The following ABR variants were observed in gnomAD, a reference collection of about 807,000 sequenced individuals.
ABR encodes the protein ABR activator of RhoGEF and GTPase, also known as active breakpoint cluster region-related protein.
In ABR, 35 loss-of-function variants were observed where a neutral mutation model predicts 107.2. The observed-to-expected ratio is 0.33, with a 90% CI of 0.25 to 0.43. The LOEUF is 0.43. Ranked by LOEUF, ABR falls within the 20% of genes least tolerant of loss-of-function variation. The pLI is 1.00. For missense variants in ABR, 815 were observed against 1,115.2 expected (o/e 0.73, Z 3.83); for synonymous variants, 498 against 462.0 (o/e 1.08, Z -1.00).
intron 1 of ABR, chr17:1,153,757 G>A: frequency 4.9e-6 from 1 of 204,912 alleles, no homozygotes; most frequent in Non-Finnish European, 9.9e-6. Context: ...CCTGCGGGAG[G>A]GCTGGGGGTC....
intron 1 of ABR, among the ~76,000 whole-genome samples, chr17:1,128,650 G>C (rs959017028): frequency 6.6e-6 from 1 of 152,226 alleles, no homozygotes; most frequent in Non-Finnish European, 1.5e-5. Flanking sequence ...TGATGGGATG[G>C]CTGGAGCCCC....
chr17:1,023,763 A>G (rs1231518943), intron 16 of ABR, among the ~76,000 whole-genome samples: 1 of 152,092 alleles, frequency 6.6e-6, no homozygotes, highest in African/African-American at 2.4e-5. Context: ...GGTGGTTCAC[A>G]CCTGTAATCC....
chr17:1,200,755 C>T lies in ABR; in HGVS notation c.838+28038G>A, dbSNP rs58290014. Among the ~76,000 whole-genome samples, 5,569 of 152,262 alleles carry T rather than the reference C, an allele frequency of 0.037. 138 individuals carry two copies. The highest frequency in any genetic ancestry group is 0.12 in the East Asian group (615 of 5,178). ...GTTTGTTCATGGTGCAAGATGTCTCCGGTTACTTCGGGGAGACAGGAACAT... is the reference window on the plus strand; with the variant it reads ...GTTTGTTCATGGTGCAAGATGTCTCTGGTTACTTCGGGGAGACAGGAACAT... On this transcript the variant is annotated intron_variant, in intron 1 of 22. Transcript: ENST00000574139. The surrounding 1 kb of genome is among the most constrained non-coding windows in gnomAD (Gnocchi z 4.1).
At chr17:1,149,712 C>T (rs963486447) in intron 1 of ABR, among the ~76,000 whole-genome samples, 16 of 152,184 alleles carry the variant, frequency 1.1e-4, no homozygotes, top group Non-Finnish European at 1.8e-4. Context: ...GCACTGTGCC[C>T]GGCCCAGAGC....
intron 1 of ABR, among the ~76,000 whole-genome samples, chr17:1,223,339 A>G (rs1166612256): frequency 6.6e-6 from 1 of 151,662 alleles, no homozygotes; most frequent in Admixed American, 6.6e-5. Context: ...AGACACGAAT[A>G]CCCTCCATCG....
At chr17:1,206,235 G>A (rs1057298188) in intron 1 of ABR, among the ~76,000 whole-genome samples, 4 of 152,176 alleles carry the variant, frequency 2.6e-5, no homozygotes, top group African/African-American at 9.7e-5. Context: ...CACTGTGATG[G>A]GTTAGACACT....
At chr17:1,076,088 G>A (rs770641255) in intron 6 of ABR, among the ~76,000 whole-genome samples, 8 of 152,102 alleles carry the variant, frequency 5.3e-5, no homozygotes, top group Non-Finnish European at 1.2e-4. Flanking sequence ...TGCTGGTCTC[G>A]AACTCCTGGC....
intron 3 of ABR, among the ~76,000 whole-genome samples, chr17:1,097,408 T>C (rs994711544): frequency 6.6e-6 from 1 of 151,942 alleles, no homozygotes; most frequent in East Asian, 1.9e-4. Context: ...CTGGCCAACA[T>C]GGTGAAATCT....
intron 14 of ABR, among the ~76,000 whole-genome samples, chr17:1,052,002 GT>G (rs2151037134): frequency 6.6e-6 from 1 of 151,964 alleles, no homozygotes; most frequent in Admixed American, 6.6e-5. Context: ...TGAACCTGGG[GT>G]GTGGAAGTTG....
rs1423872995 is a variant in ABR at position 1,117,794 on chromosome 17, G to A, written c.246+7389C>T. Reference sequence around the variant, plus strand: ...TCCCTGAGCCTGAGTTCTCCCCAGCGTTATCCCTGAGCCTGAGTCCTCCCA... The same window carrying A: ...TCCCTGAGCCTGAGTTCTCCCCAGCATTATCCCTGAGCCTGAGTCCTCCCA... On this transcript the variant is annotated intron_variant, in intron 2 of 22. Transcript: ENST00000302538. Among the ~76,000 whole-genome samples, 19 of 66,136 alleles carry A rather than the reference G, an allele frequency of 2.9e-4. 1 individual carries two copies. In the East Asian group the frequency reaches 5.0e-3, roughly 18 times the overall value. The allele number at this position is 66,136 out of a possible 152,430, so 43.4% of individuals were successfully genotyped here.
chr17:1,223,764 G>A lies in ABR; in HGVS notation c.838+5029C>T, dbSNP rs529931301. Among the ~76,000 whole-genome samples, 9 of 152,220 alleles carry A rather than the reference G, an allele frequency of 5.9e-5. 1 individual carries two copies. The highest frequency in any genetic ancestry group is 3.9e-4 in the Admixed American group (6 of 15,276). On this transcript the variant is annotated intron_variant, in intron 1 of 22. Coordinates refer to the ABR transcript ENST00000574139. Reference sequence around the variant, plus strand: ...AAAGCAACCACCTTCTTCACAAGGCGGCAGGAGAGCAAGCAAGCCTGCGGG... The same window carrying A: ...AAAGCAACCACCTTCTTCACAAGGCAGCAGGAGAGCAAGCAAGCCTGCGGG...
At chr17:1,119,929 G>A (rs2039272096) in intron 2 of ABR, among the ~76,000 whole-genome samples, 1 of 67,304 alleles carries the variant, frequency 1.5e-5, no homozygotes, top group Non-Finnish European at 3.4e-5. Flanking sequence ...CTGTCACCCA[G>A]GCGGGGTACA....
intron 1 of ABR, among the ~76,000 whole-genome samples, chr17:1,203,641 G>A (rs1233043042): frequency 1.3e-5 from 2 of 152,190 alleles, no homozygotes; most frequent in Admixed American, 1.3e-4. Context: ...GGAGCCCGGC[G>A]AGTGTTCGGC....
chr17:1,028,238 C>G (rs4968076), intron 16 of ABR, among the ~76,000 whole-genome samples: 19,578 of 151,642 alleles, frequency 0.13, 1,597 homozygotes, highest in Middle Eastern at 0.2. Flanking sequence ...TTACAGGTGC[C>G]CGCCACCATG....
intron 1 of ABR, among the ~76,000 whole-genome samples, chr17:1,220,159 C>T (rs1348747840): frequency 2.0e-5 from 3 of 151,942 alleles, no homozygotes; most frequent in African/African-American, 4.8e-5. Flanking sequence ...GGCGTGGTGG[C>T]GGGCGCCTGT....
intron 1 of ABR, among the ~76,000 whole-genome samples, chr17:1,141,509 G>A (rs1361001951): frequency 6.6e-6 from 1 of 152,088 alleles, no homozygotes; most frequent in South Asian, 2.1e-4. Context: ...CTTTTGCGAG[G>A]TTACAATGAG....
At chr17:1,207,159 G>A (rs902374040) in intron 1 of ABR, among the ~76,000 whole-genome samples, 3 of 151,896 alleles carry the variant, frequency 2.0e-5, no homozygotes, top group Non-Finnish European at 2.9e-5. Context: ...GGCTAAGGTG[G>A]AAGGATTGCT....
chr17:1,095,797 A>G (rs888448998), intron 3 of ABR, among the ~76,000 whole-genome samples: 40 of 152,328 alleles, frequency 2.6e-4, no homozygotes, highest in Admixed American at 2.1e-3. Context: ...GAAATAAGGG[A>G]AAGAAATGTA....
intron 14 of ABR, among the ~76,000 whole-genome samples, chr17:1,052,375 G>C (rs2032673672): frequency 3.4e-5 from 5 of 147,494 alleles, no homozygotes; most frequent in African/African-American, 1.3e-4. Context: ...GGTTCCGGAA[G>C]GGGCTGGGGG....
Sources: gnomAD v4.1 joint callset for allele counts (sites outside exome capture counted in the v4.1 genomes callset) on GRCh38, gnomAD v4.1.1 for gene constraint, Gnocchi (gnomAD v3.1) non-coding constraint, MANE v1.5 for transcripts, NCBI Gene and HGNC (gene_info 2026-07-23, HGNC 2026-07-21) for gene names.